TRIM48: variants seen among roughly 807,000 people sequenced by gnomAD.
The protein encoded by TRIM48 is tripartite motif containing 48.
TRIM48 carries 31 observed loss-of-function variants against 29.5 expected under a neutral mutation model. The ratio of observed to expected loss-of-function variants is 1.05; its 90% confidence interval spans 0.79 to 1.42. The LOEUF is 1.42. Among genes scored for constraint, TRIM48 ranks in the 40% most tolerant of loss-of-function variants. TRIM48 has a pLI of 0.00. For missense variants in TRIM48, 344 were observed against 265.0 expected (o/e 1.30, Z -2.07); for synonymous variants, 128 against 90.6 (o/e 1.41, Z -2.34).
intron 2 of TRIM48, 76 bp from the exon 3 acceptor site, chr11:55,265,524 G>T: frequency 6.6e-7 from 1 of 1,524,374 alleles, no homozygotes; most frequent in South Asian, 1.3e-5. Context: ...TCTCATTCTG[G>T]GCCCCCTCCC....
At chr11:55,267,108 T>C (rs574338670) in intron 3 of TRIM48, among the ~76,000 whole-genome samples, 1 of 148,264 alleles carries the variant, frequency 6.7e-6, no homozygotes, top group East Asian at 2.2e-4. Flanking sequence ...CTCTTAAGCA[T>C]GAACTATTCT....
Position 55,264,862 on chromosome 11 carries a change from C to T in TRIM48, c.45-38C>T, listed in dbSNP as rs774886259. 2 of 1,582,148 alleles carry T rather than the reference C, an allele frequency of 1.3e-6. 1 individual carries two copies. Among genetic ancestry groups the T allele is most frequent in the South Asian group, 2.4e-5 (2 of 83,588 alleles). On this transcript the variant is annotated intron_variant, in intron 1 of 5. Coordinates refer to ENST00000417545, the MANE Select transcript of TRIM48 (RefSeq NM_024114.5). ...ACATGTTCAGAAGCTTTTCATCAAC[C>T]CAGACCCCAAAATGACATGCTGCTC...
chr11:55,262,374 T>G (rs1857316121), intron 1 of TRIM48, 63 bp downstream of exon 1: 1 of 1,184,144 alleles, frequency 8.4e-7, no homozygotes, highest in Non-Finnish European at 1.2e-6. Context: ...TAAATTAGAG[T>G]GTTAAAAATA....
chr11:55,263,002 CT>C (rs1565076655), intron 1 of TRIM48, among the ~76,000 whole-genome samples: 1 of 152,020 alleles, frequency 6.6e-6, no homozygotes, highest in Non-Finnish European at 1.5e-5. Flanking sequence ...ACGAAAAGGA[CT>C]TAAAATTGCC....
At chr11:55,264,351 T>TAAAG (rs1384202349) in intron 1 of TRIM48, among the ~76,000 whole-genome samples, 1 of 148,000 alleles carries the variant, frequency 6.8e-6, no homozygotes, top group African/African-American at 2.5e-5. Flanking sequence ...TTTATTTTAC[T>TAAAG]TTAATTTTAT....
Position 55,265,275 on chromosome 11 carries a change from C to G in TRIM48, c.420C>G (p.His140Gln). The change falls in exon 2 of 6, where the codon CAC becomes CAG. Residue 140 changes from histidine to glutamine, a missense_variant. Coordinates refer to ENST00000417545, the MANE Select transcript of TRIM48 (RefSeq NM_024114.5). ...CCAGCTCTCAGGAGCACCGGTATCA[C>G]AGACACTGTCCCGCTGAGTGGGCTG... ...LCSSSQEHRY[H>Q]RHCPAEWAAE... is the part of the protein sequence containing the mutation. 6.3e-7 allele frequency: 1 copy of G among 1,582,428 alleles called. No homozygotes were observed. Among genetic ancestry groups the G allele is most frequent in the Non-Finnish European group, 8.6e-7 (1 of 1,166,130 alleles).
At chr11:55,268,569 T>A (rs1213504048) in intron 4 of TRIM48, among the ~76,000 whole-genome samples, 197 bp downstream of exon 4, 2 of 147,740 alleles carry the variant, frequency 1.4e-5, no homozygotes, top group African/African-American at 5.0e-5. Context: ...AGTAAAATTT[T>A]AAAAAACATG....
chr11:55,270,072 G>A (rs1857457576), intron 5 of TRIM48, among the ~76,000 whole-genome samples: 2 of 147,848 alleles, frequency 1.4e-5, no homozygotes, highest in Admixed American at 6.9e-5. Flanking sequence ...CCAAAATGAT[G>A]GCACTAGTTT....
rs11819767 is a variant in TRIM48, at chr11:55,270,591, T to A, written c.*156T>A. The A allele has an allele frequency of 1.3e-6, 2 of 1,583,064 alleles. 1 individual carries two copies. Among genetic ancestry groups the A allele is most frequent in the Non-Finnish European group, 1.7e-6 (2 of 1,165,496 alleles). ...CATGGGGTGCTCAGACTTTCACCTC[T>A]GGCAAATATTACTGGGAGGTCCATG... On this transcript the variant is annotated 3_prime_UTR_variant, in exon 6 of 6. Coordinates refer to ENST00000417545, the MANE Select transcript of TRIM48 (RefSeq NM_024114.5).
rs1001742986 is a variant in TRIM48, at chr11:55,269,463, A to G, written c.*1+124A>G. Reference sequence around the variant, plus strand: ...TTTATAAGCATAAGAGAACAATATAATCATGCAACCCTTTTGTATCTGTGT... The same window carrying G: ...TTTATAAGCATAAGAGAACAATATAGTCATGCAACCCTTTTGTATCTGTGT... On this transcript the variant is annotated intron_variant, in intron 5 of 5. Transcript: ENST00000417545. 8.6e-6 allele frequency: 11 copies of G among 1,279,772 alleles called. No individual in the cohort carries two copies. In the African/African-American group the frequency reaches 1.2e-4, roughly 14 times the overall value. 79.3% of individuals were successfully genotyped at this position (1,279,772 alleles called of 1,614,324 possible). A position where few individuals can be genotyped will look rare whatever the true frequency, so the allele number is the denominator to read the frequency against.
In TRIM48 at chr11:55,270,933, C is replaced by G. The variant is rs1335802412; in HGVS notation, c.*498C>G. On this transcript the variant is annotated 3_prime_UTR_variant, in exon 6 of 6. Transcript: ENST00000417545. ...GACCTATCTTTTTCTGTATTCTCCT[C>G]TGACCAGAGACAAATCAGAAATGTG... The G allele has an allele frequency of 6.4e-6, 10 of 1,557,100 alleles. 2 individuals carry two copies. The African/African-American group carries it at 1.2e-4, about 19-fold the overall frequency.
intron 1 of TRIM48, among the ~76,000 whole-genome samples, chr11:55,264,095 A>T (rs1167487372): frequency 7.9e-5 from 12 of 152,106 alleles, no homozygotes; most frequent in Non-Finnish European, 1.6e-4. Context: ...ACTGATACCT[A>T]AAATTCACCA....
Sources: allele counts gnomAD v4.1 joint callset (sites outside exome capture counted in the v4.1 genomes callset), GRCh38; gene constraint gnomAD v4.1.1; transcripts MANE v1.5; gene names NCBI Gene and HGNC (gene_info 2026-07-23, HGNC 2026-07-21).